Variants in UBE2G1 observed in about 807,000 individuals in gnomAD.
UBE2G1 encodes the protein ubiquitin-conjugating enzyme E2 G1.
UBE2G1 carries 5 observed loss-of-function variants against 22.7 expected under a neutral mutation model. The observed-to-expected ratio is 0.22, with a 90% CI of 0.12 to 0.46. UBE2G1 has a LOEUF of 0.46. Ranked by LOEUF, UBE2G1 falls within the 20% of genes least tolerant of loss-of-function variation. The probability of loss-of-function intolerance (pLI) is 0.99; values close to 1 mark genes in which losing one functional copy is unlikely to be tolerated. For missense variants in UBE2G1, 88 were observed against 203.9 expected (o/e 0.43, Z 3.46); for synonymous variants, 74 against 67.5 (o/e 1.10, Z -0.47).
rs985712353 is a variant in UBE2G1 at position 4,271,562 on chromosome 17, T to C, written c.*992A>G. 2.7e-5 allele frequency: 4 copies of C among 149,776 alleles called. No homozygotes were observed. The highest frequency in any genetic ancestry group is 5.9e-5 in the Non-Finnish European group (4 of 67,594). The allele number at this position is 149,776 out of a possible 1,614,324, so 9.3% of individuals were successfully genotyped here. A position where few individuals can be genotyped will look rare whatever the true frequency, so the allele number is the denominator to read the frequency against. On this transcript the variant is annotated 3_prime_UTR_variant, in exon 6 of 6. Transcript: ENST00000396981. ...GAGAAAAATCTGCAGTATAGAAGAATAGAGGCAGAGAAATATGAAGGACTA... is the reference window on the plus strand; with the variant it reads ...GAGAAAAATCTGCAGTATAGAAGAACAGAGGCAGAGAAATATGAAGGACTA...
chr17:4,343,046 C>T (rs1969729098), intron 1 of UBE2G1, among the ~76,000 whole-genome samples: 1 of 152,168 alleles, frequency 6.6e-6, no homozygotes, highest in Non-Finnish European at 1.5e-5. Context: ...TAATACACCA[C>T]ATTTTTAATT....
In UBE2G1 at chr17:4,366,348, G is replaced by A; in HGVS notation, c.-32C>T. 6 of 1,521,960 alleles carry A rather than the reference G, an allele frequency of 3.9e-6. No individual in the cohort carries two copies. The highest frequency in any genetic ancestry group is 4.4e-6 in the Non-Finnish European group (5 of 1,144,286). 94.3% of individuals were successfully genotyped at this position (1,521,960 alleles called of 1,614,324 possible). A position where few individuals can be genotyped will look rare whatever the true frequency, so the allele number is the denominator to read the frequency against. Reference sequence around the variant, plus strand: ...TGCCGAGGGCCCGGGCTGGCGCCGGGGCTTCCGAAGGGCTGGGGACAGGCT... The same window carrying A: ...TGCCGAGGGCCCGGGCTGGCGCCGGAGCTTCCGAAGGGCTGGGGACAGGCT... On this transcript the variant is annotated 5_prime_UTR_variant, in exon 1 of 6. Coordinates refer to ENST00000396981, the MANE Select transcript of UBE2G1 (RefSeq NM_003342.5).
intron 1 of UBE2G1, among the ~76,000 whole-genome samples, chr17:4,333,175 G>A (rs1969600865): frequency 6.6e-6 from 1 of 152,162 alleles, no homozygotes; most frequent in African/African-American, 2.4e-5. Flanking sequence ...TTGAGGATAA[G>A]CTACAATTCA....
At chr17:4,315,800 CTTTTTT>C (rs368086814) in intron 1 of UBE2G1, among the ~76,000 whole-genome samples, 3 of 105,306 alleles carry the variant, frequency 2.8e-5, no homozygotes, top group Admixed American at 2.3e-4. Context: ...AAAGAGGCTC[CTTTTTT>C]TTTTTTTTTT....
chr17:4,338,124 C>T (rs568668719), intron 1 of UBE2G1, among the ~76,000 whole-genome samples: 2 of 150,978 alleles, frequency 1.3e-5, no homozygotes, highest in South Asian at 4.2e-4. Context: ...GAGCTCAGAT[C>T]GCGCTACTGC....
At chr17:4,338,289 T>TAAGATAATAGAG (rs1969673077) in intron 1 of UBE2G1, among the ~76,000 whole-genome samples, 1 of 151,468 alleles carries the variant, frequency 6.6e-6, no homozygotes, top group Non-Finnish European at 1.5e-5. Context: ...GAAAAGGAAG[T>TAAGATAATAGAG]AAGATAATAG....
rs779824291 is a variant in UBE2G1 at position 4,366,266 on chromosome 17, C to T, written c.46+5G>A. ...GGCCCGGCGCCCCGCCGCCCGCCTG[C>T]TCACCTGCCAGCTGTCTTCGCAGTA... is the stretch of plus-strand genomic sequence containing the variant. On this transcript the variant is annotated splice_donor_5th_base_variant and intron_variant, in intron 1 of 5. Coordinates refer to ENST00000396981, the MANE Select transcript of UBE2G1 (RefSeq NM_003342.5). 4 of 1,552,158 alleles carry T rather than the reference C, an allele frequency of 2.6e-6. 1 individual carries two copies. The highest frequency in any genetic ancestry group is 3.5e-6 in the Non-Finnish European group (4 of 1,158,838).
chr17:4,335,917 G>A (rs1302833585), intron 1 of UBE2G1, among the ~76,000 whole-genome samples: 2 of 152,104 alleles, frequency 1.3e-5, no homozygotes, highest in Non-Finnish European at 1.5e-5. Flanking sequence ...AGGCCAAGGC[G>A]GGAGGATCAC....
chr17:4,354,003 C>G (rs1032999117), intron 1 of UBE2G1, among the ~76,000 whole-genome samples: 4 of 151,926 alleles, frequency 2.6e-5, no homozygotes, highest in African/African-American at 9.7e-5. Flanking sequence ...TTTTTAAGGT[C>G]TTCCACAAAC....
Position 4,318,444 on chromosome 17 carries a change from T to A in UBE2G1, c.47-11321A>T, listed in dbSNP as rs578228642. 4.3e-4 allele frequency among the ~76,000 whole-genome samples: 65 copies of A among 152,226 alleles called. No homozygotes were observed. The East Asian group carries it at 5.0e-3, about 12-fold the overall frequency. Reference sequence around the variant, plus strand: ...AGCTGTGCCATAAAGGCCTGAGAGCTGCCAATAGCCGCAATTCAAGTCTCA... The same window carrying A: ...AGCTGTGCCATAAAGGCCTGAGAGCAGCCAATAGCCGCAATTCAAGTCTCA... On this transcript the variant is annotated intron_variant, in intron 1 of 5. Coordinates refer to ENST00000396981, the MANE Select transcript of UBE2G1 (RefSeq NM_003342.5).
At chr17:4,300,120 C>T (rs1254492451) in intron 2 of UBE2G1, among the ~76,000 whole-genome samples, 3 of 151,824 alleles carry the variant, frequency 2.0e-5, no homozygotes, top group Non-Finnish European at 4.4e-5. Context: ...AACTAGTACC[C>T]AACTTGTGCG....
At chr17:4,285,313 C>G (rs537416131) in intron 4 of UBE2G1, among the ~76,000 whole-genome samples, 2 of 152,010 alleles carry the variant, frequency 1.3e-5, no homozygotes, top group Non-Finnish European at 2.9e-5. Context: ...GAAAAAAGAA[C>G]AAGTCACCTA....
chr17:4,361,186 G>A (rs892961240), intron 1 of UBE2G1, among the ~76,000 whole-genome samples: 3 of 151,870 alleles, frequency 2.0e-5, no homozygotes, highest in Non-Finnish European at 2.9e-5. Flanking sequence ...TCGCACCACT[G>A]CACTCCAGAC....
At chr17:4,362,706 A>G (rs774763981) in intron 1 of UBE2G1, among the ~76,000 whole-genome samples, 3 of 152,210 alleles carry the variant, frequency 2.0e-5, no homozygotes, top group Non-Finnish European at 4.4e-5. Flanking sequence ...AATTTTATAC[A>G]AAAATTAGCC....
chr17:4,339,693 A>G (rs1969689264), intron 1 of UBE2G1, among the ~76,000 whole-genome samples: 1 of 152,100 alleles, frequency 6.6e-6, no homozygotes, highest in African/African-American at 2.4e-5. Flanking sequence ...CTCTATTAAA[A>G]ATACAAAATT....
intron 1 of UBE2G1, among the ~76,000 whole-genome samples, chr17:4,349,549 A>G (rs146268027): frequency 2.0e-5 from 3 of 151,998 alleles, no homozygotes; most frequent in Non-Finnish European, 2.9e-5. Context: ...CTAAAAATAA[A>G]ATACATTTAA....
At chr17:4,333,985 A>G (rs1449822427) in intron 1 of UBE2G1, among the ~76,000 whole-genome samples, 2 of 109,422 alleles carry the variant, frequency 1.8e-5, no homozygotes, top group African/African-American at 1.3e-4. Flanking sequence ...GAAGAAAACA[A>G]AGACTGGCAT....
chr17:4,290,341 T>C (rs1969018920), intron 3 of UBE2G1, among the ~76,000 whole-genome samples: 1 of 152,344 alleles, frequency 6.6e-6, no homozygotes, highest in Non-Finnish European at 1.5e-5. Context: ...CTAAATCTTA[T>C]TTTTCGTTTC....
At chr17:4,300,324 C>A (rs1172894891) in intron 2 of UBE2G1, among the ~76,000 whole-genome samples, 1 of 147,880 alleles carries the variant, frequency 6.8e-6, no homozygotes, top group Non-Finnish European at 1.5e-5. Context: ...GGGCGGATCA[C>A]TTGAGGTCAG....
Sources: gnomAD v4.1 joint callset for allele counts (sites outside exome capture counted in the v4.1 genomes callset) on GRCh38, gnomAD v4.1.1 for gene constraint, MANE v1.5 for transcripts, NCBI Gene and HGNC (gene_info 2026-07-23, HGNC 2026-07-21) for gene names.